TAFA1: variants seen among roughly 807,000 people sequenced by gnomAD.
The protein encoded by TAFA1 is TAFA chemokine like family member 1.
Under a neutral mutation model 18.5 loss-of-function variants are expected in TAFA1, and 4 were observed. That is an observed-to-expected ratio of 0.22 (90% CI 0.11 to 0.49). The LOEUF is 0.49. Ranked by LOEUF, TAFA1 falls within the 20% of genes least tolerant of loss-of-function variation. The pLI is 0.98. For synonymous variants in TAFA1, 56 were observed against 55.2 expected (o/e 1.01, Z -0.06); for missense variants, 147 against 169.0 (o/e 0.87, Z 0.72).
chr3:68,438,586 T>G (rs2071307048), intron 3 of TAFA1, among the ~76,000 whole-genome samples: 1 of 152,054 alleles, frequency 6.6e-6, no homozygotes, highest in African/African-American at 2.4e-5. Flanking sequence ...ATTGTTCTGG[T>G]GGGGACTCCC....
intron 2 of TAFA1, among the ~76,000 whole-genome samples, chr3:68,069,341 G>A (rs143905427): frequency 1.2e-3 from 184 of 152,312 alleles, no homozygotes; most frequent in African/African-American, 4.0e-3. Flanking sequence ...GAGAGCTTGA[G>A]CAGGGAAAGT....
chr3:68,449,867 G>C (rs1047637306), intron 3 of TAFA1, among the ~76,000 whole-genome samples: 2 of 152,152 alleles, frequency 1.3e-5, no homozygotes, highest in African/African-American at 4.8e-5. Flanking sequence ...ATAAACAAAA[G>C]GTCTACATGC....
At chr3:68,532,023 T>G (rs934315943) in intron 3 of TAFA1, among the ~76,000 whole-genome samples, 1 of 152,248 alleles carries the variant, frequency 6.6e-6, no homozygotes, top group Admixed American at 6.5e-5. Context: ...ATTTTTCTTA[T>G]GCAGGGTTGA....
chr3:68,506,825 C>T (rs951927217), intron 3 of TAFA1, among the ~76,000 whole-genome samples: 1 of 56,466 alleles, frequency 1.8e-5, no homozygotes, highest in Admixed American at 1.6e-4. Flanking sequence ...CTAAAATATA[C>T]CCTTTCATTT....
chr3:68,483,316 G>A (rs1462587284), intron 3 of TAFA1, among the ~76,000 whole-genome samples: 2 of 151,108 alleles, frequency 1.3e-5, no homozygotes, highest in South Asian at 2.1e-4. Flanking sequence ...CTCTTTCAAA[G>A]CTATTCAACT....
chr3:68,373,083 T>C (rs944983038), intron 2 of TAFA1, among the ~76,000 whole-genome samples: 2 of 152,146 alleles, frequency 1.3e-5, no homozygotes, highest in East Asian at 3.9e-4. Flanking sequence ...ATACTGCTTT[T>C]TTTCCACTGG....
At chr3:68,404,633 C>A (rs2070562665) in intron 2 of TAFA1, among the ~76,000 whole-genome samples, 1 of 151,918 alleles carries the variant, frequency 6.6e-6, no homozygotes, top group Admixed American at 6.6e-5. Context: ...CCCGTCTCTA[C>A]TAAAAACAGA....
intron 2 of TAFA1, among the ~76,000 whole-genome samples, chr3:68,072,176 C>A (rs1342326826): frequency 6.6e-6 from 1 of 152,138 alleles, no homozygotes; most frequent in South Asian, 2.1e-4. Flanking sequence ...AATCCTTGAA[C>A]TGAGGCTTAC....
rs1457398418 is a variant in TAFA1 at position 68,342,959 on chromosome 3, C to A, written c.119-74321C>A. 2.0e-5 allele frequency among the ~76,000 whole-genome samples: 3 copies of A among 152,076 alleles called. No individual in the cohort carries two copies. The East Asian group carries it at 5.8e-4, about 29-fold the overall frequency. On this transcript the variant is annotated intron_variant, in intron 2 of 4. Coordinates refer to ENST00000478136, the MANE Select transcript of TAFA1 (RefSeq NM_213609.4). ...CAAAGTATATTTTTCTCTTGTAAGGCCTTTTCTTATTCAAAGATCAAATTT... is the reference window on the plus strand; with the variant it reads ...CAAAGTATATTTTTCTCTTGTAAGGACTTTTCTTATTCAAAGATCAAATTT...
rs551530517 is a variant in TAFA1 at position 68,314,577 on chromosome 3, G to T, written c.119-102703G>T. Among the ~76,000 whole-genome samples the T allele has an allele frequency of 7.9e-5, 12 of 152,264 alleles. No individual in the cohort carries two copies. The South Asian group carries it at 2.3e-3, about 29-fold the overall frequency. ...GTATCACTATATAGTACACATATTT[G>T]TGTGTCTACACATACGCAATATCAT... is the stretch of plus-strand genomic sequence containing the variant. On this transcript the variant is annotated intron_variant, in intron 2 of 4. Transcript: ENST00000478136.
intron 2 of TAFA1, among the ~76,000 whole-genome samples, chr3:68,085,926 C>T (rs1402574865): frequency 6.6e-6 from 1 of 152,196 alleles, no homozygotes; most frequent in African/African-American, 2.4e-5. Context: ...ATGGAAGGTT[C>T]TAGCCACAGG....
chr3:68,352,846 A>C (rs2069293611), intron 2 of TAFA1, among the ~76,000 whole-genome samples: 1 of 151,980 alleles, frequency 6.6e-6, no homozygotes, highest in Non-Finnish European at 1.5e-5. Flanking sequence ...GAAGCAAAGC[A>C]AGGGAAAGTG....
rs10681423 is a variant in TAFA1 at position 68,329,216 on chromosome 3, C to CTTTTTTTTTTTTT, written c.119-88053_119-88041dup. ...GGTGTGCACAACCATGCCTGGCTGC[C>CTTTTTTTTTTTTT]TTTTTTTTTTTTTTTTTTTTTTTGT... is the stretch of plus-strand genomic sequence containing the variant. On this transcript the variant is annotated intron_variant, in intron 2 of 4. Transcript: ENST00000478136. 3.1e-3 allele frequency among the ~76,000 whole-genome samples: 280 copies of CTTTTTTTTTTTTT among 88,990 alleles called. 1 individual carries two copies. Among genetic ancestry groups the CTTTTTTTTTTTTT allele is most frequent in the Middle Eastern group, 0.013 (1 of 76 alleles). 58.4% of individuals were successfully genotyped at this position (88,990 alleles called of 152,430 possible).
rs896969116 is a variant in TAFA1, at chr3:68,132,417, G to A, written c.118+125673G>A. Among the ~76,000 whole-genome samples, 4 of 152,082 alleles carry A rather than the reference G, an allele frequency of 2.6e-5. No individual in the cohort carries two copies. The South Asian group carries it at 6.2e-4, about 24-fold the overall frequency. ...CAGTAATGGGATTGCTGGGTCAAAT[G>A]GTATTTCTGGTTCTAGATCCTTGAG... On this transcript the variant is annotated intron_variant, in intron 2 of 4. Coordinates refer to ENST00000478136, the MANE Select transcript of TAFA1 (RefSeq NM_213609.4).
intron 2 of TAFA1, among the ~76,000 whole-genome samples, chr3:68,371,649 C>T (rs2069709234): frequency 6.6e-6 from 1 of 152,088 alleles, no homozygotes. Context: ...GGGTTGGTTC[C>T]AAGACTTTGC....
intron 2 of TAFA1, among the ~76,000 whole-genome samples, chr3:68,321,180 G>T (rs544996019): frequency 6.6e-6 from 1 of 152,242 alleles, no homozygotes; most frequent in African/African-American, 2.4e-5. Context: ...TTATTATGAG[G>T]TGGATGTAGT....
At chr3:68,141,908 A>T (rs1488933395) in intron 2 of TAFA1, among the ~76,000 whole-genome samples, 10 of 152,178 alleles carry the variant, frequency 6.6e-5, no homozygotes, top group Non-Finnish European at 1.2e-4. Flanking sequence ...CACTGAAAAG[A>T]ACCAGTTCAG....
chr3:68,047,526 T>C (rs1185319079), intron 2 of TAFA1, among the ~76,000 whole-genome samples: 1 of 152,168 alleles, frequency 6.6e-6, no homozygotes, highest in East Asian at 1.9e-4. Context: ...ATCTATTCTT[T>C]CTTTTGGAAA....
intron 2 of TAFA1, among the ~76,000 whole-genome samples, chr3:68,316,599 T>G (rs150315616): frequency 6.6e-6 from 1 of 152,194 alleles, no homozygotes; most frequent in African/African-American, 2.4e-5. Flanking sequence ...ATAAAAACCT[T>G]TTAGTTTTTA....
Sources: gnomAD v4.1 joint callset for allele counts (sites outside exome capture counted in the v4.1 genomes callset) on GRCh38, gnomAD v4.1.1 for gene constraint, MANE v1.5 for transcripts, NCBI Gene and HGNC (gene_info 2026-07-23, HGNC 2026-07-21) for gene names.